The following PDE7B variants were observed in gnomAD, a reference collection of about 807,000 sequenced individuals.
The protein encoded by PDE7B is phosphodiesterase 7B.
Under a neutral mutation model 56.2 loss-of-function variants are expected in PDE7B, and 29 were observed. That is an observed-to-expected ratio of 0.52 (90% CI 0.38 to 0.70). The LOEUF (loss-of-function observed/expected upper bound fraction) is 0.70, where lower values mean the gene tolerates loss of function less well. Ranked by LOEUF, PDE7B falls within the 30% of genes least tolerant of loss-of-function variation. The pLI is 0.00. For synonymous variants in PDE7B, 197 were observed against 196.9 expected, an observed-to-expected ratio of 1.00 and a Z score of 0.00; for missense variants, 490 against 565.0, an observed-to-expected ratio of 0.87 and a Z score of 1.35.
rs1383650190 is a variant in PDE7B, at chr6:136,173,674, TG to T, written c.712-122del. 30 of 660,352 alleles carry T rather than the reference TG, an allele frequency of 4.5e-5. No individual in the cohort carries two copies. The African/African-American group carries it at 4.5e-4, about 10-fold the overall frequency. 40.9% of individuals were successfully genotyped at this position (660,352 alleles called of 1,614,324 possible). The stretch of plus-strand genomic sequence containing the variant: ...TCTTTTGGGTTTTTTTTTCCTGGTC[TG>T]CCTCTGGGTCATCAAGTACAAACTG... On this transcript the variant is annotated intron_variant, in intron 8 of 12. Transcript: ENST00000308191.
At chr6:135,935,201 T>A (rs1159381398) in intron 1 of PDE7B, among the ~76,000 whole-genome samples, 1 of 87,962 alleles carries the variant, frequency 1.1e-5, no homozygotes, top group East Asian at 4.1e-4. Context: ...TATATATATA[T>A]ATATATATAT....
chr6:136,171,851 T>C (rs1778888851), intron 8 of PDE7B, among the ~76,000 whole-genome samples: 1 of 143,922 alleles, frequency 6.9e-6, no homozygotes, highest in Admixed American at 7.3e-5. Context: ...TGTGTTCTCA[T>C]TGTTCAATTC....
intron 2 of PDE7B, among the ~76,000 whole-genome samples, chr6:136,040,374 A>G (rs1458106213): frequency 1.3e-5 from 2 of 152,198 alleles, no homozygotes; most frequent in Admixed American, 6.5e-5. Flanking sequence ...ATCATCATCC[A>G]TCTATGCAGC....
At chr6:136,124,097 G>T (rs191349993) in intron 3 of PDE7B, among the ~76,000 whole-genome samples, 29 of 152,116 alleles carry the variant, frequency 1.9e-4, no homozygotes, top group South Asian at 6.2e-4. Context: ...AGTAGAGAAG[G>T]TTAAGAAAAT....
chr6:135,875,729 G>A (rs926099668), intron 1 of PDE7B, among the ~76,000 whole-genome samples: 15 of 152,168 alleles, frequency 9.9e-5, no homozygotes, highest in African/African-American at 3.1e-4. Flanking sequence ...AGACTAAAAC[G>A]TATCCTTATT....
chr6:136,043,200 A>C (rs1776441431), intron 2 of PDE7B, among the ~76,000 whole-genome samples: 1 of 152,226 alleles, frequency 6.6e-6, no homozygotes, highest in Non-Finnish European at 1.5e-5. Context: ...GCTGGATAAT[A>C]ATCATTAATA....
intron 3 of PDE7B, among the ~76,000 whole-genome samples, chr6:136,141,964 CTCTGA>C (rs1327501758): frequency 6.6e-6 from 1 of 152,062 alleles, no homozygotes; most frequent in Non-Finnish European, 1.5e-5. Flanking sequence ...TTCAGTTCTG[CTCTGA>C]TCTTAGTTAT....
At position 135,972,029 on chromosome 6, in the gene PDE7B, G is replaced by A. The variant is rs144434716; in HGVS notation, c.82+24505G>A. Among the ~76,000 whole-genome samples, 814 of 152,112 alleles carry A rather than the reference G, an allele frequency of 5.4e-3. 8 individuals are homozygous for A. Among genetic ancestry groups the A allele is most frequent in the African/African-American group, 0.019 (784 of 41,494 alleles). On this transcript the variant is annotated intron_variant, in intron 2 of 12. Coordinates refer to ENST00000308191, the MANE Select transcript of PDE7B (RefSeq NM_018945.4). Reference sequence around the variant, plus strand: ...GCAGGCAGATCACCTGAGGTTGGGAGTTCAAGACCAGCCTTACCAACATGG... The same window carrying A: ...GCAGGCAGATCACCTGAGGTTGGGAATTCAAGACCAGCCTTACCAACATGG...
intron 8 of PDE7B, chr6:136,156,186 TG>T (rs1778601416): frequency 3.0e-6 from 1 of 335,432 alleles, no homozygotes; most frequent in African/African-American, 2.2e-5. Context: ...TGTGTGTGTG[TG>T]TGTGTGTGTG....
At chr6:135,887,246 G>A (rs988760462) in intron 1 of PDE7B, among the ~76,000 whole-genome samples, 3 of 152,022 alleles carry the variant, frequency 2.0e-5, no homozygotes, top group Non-Finnish European at 2.9e-5. Context: ...TTGAGTTCCT[G>A]TGGCTTCTGG....
At chr6:136,136,342 C>G (rs1446656262) in intron 3 of PDE7B, among the ~76,000 whole-genome samples, 5 of 152,050 alleles carry the variant, frequency 3.3e-5, no homozygotes, top group Admixed American at 6.6e-5. Context: ...TATTTCACAC[C>G]TACAACCTGC....
chr6:136,160,418 T>G (rs1230118417), intron 8 of PDE7B, among the ~76,000 whole-genome samples: 21 of 152,158 alleles, frequency 1.4e-4, no homozygotes. Flanking sequence ...AAGATGAGTC[T>G]GTAGGAGTAG....
At chr6:135,945,314 G>A (rs983837257) in intron 1 of PDE7B, among the ~76,000 whole-genome samples, 4 of 152,248 alleles carry the variant, frequency 2.6e-5, no homozygotes, top group East Asian at 1.9e-4. Flanking sequence ...AATATGACAC[G>A]AGGTGAGCAG....
chr6:135,884,146 T>C (rs1440722735), intron 1 of PDE7B, among the ~76,000 whole-genome samples: 1 of 152,184 alleles, frequency 6.6e-6, no homozygotes, highest in African/African-American at 2.4e-5. Flanking sequence ...GTACTGTCCA[T>C]GTGGGATAAA....
rs1355183175 is a variant in PDE7B, at chr6:136,037,785, AAG to A, written c.83-70943_83-70942del. ...GAAGTCCTTAAGAGCTAAGCCGACA[AAG>A]AGCTAAGAGTCAACAAACTTTGACA... On this transcript the variant is annotated intron_variant, in intron 2 of 12. Transcript: ENST00000308191. 5 of 985,346 alleles carry A rather than the reference AAG, an allele frequency of 5.1e-6. No individual in the cohort carries two copies. The African/African-American group carries it at 8.7e-5, about 17-fold the overall frequency. 61.0% of individuals were successfully genotyped at this position (985,346 alleles called of 1,614,324 possible).
At chr6:135,942,066 C>T (rs760324622) in intron 1 of PDE7B, among the ~76,000 whole-genome samples, 1 of 152,034 alleles carries the variant, frequency 6.6e-6, no homozygotes, top group Admixed American at 6.6e-5. Flanking sequence ...TTTAATAACT[C>T]CTATTGAATG....
chr6:135,944,848 C>T (rs1037022649), intron 1 of PDE7B, among the ~76,000 whole-genome samples: 2 of 152,140 alleles, frequency 1.3e-5, no homozygotes, highest in African/African-American at 4.8e-5. Context: ...ACCCCTGCCC[C>T]TAGAGGCCCT....
At chr6:136,082,927 C>CT (rs2128215285) in intron 2 of PDE7B, among the ~76,000 whole-genome samples, 1 of 152,306 alleles carries the variant, frequency 6.6e-6, no homozygotes, top group African/African-American at 2.4e-5. Context: ...ATGTCCACCT[C>CT]TTTTGACCAG....
At position 135,947,463 on chromosome 6, in the gene PDE7B, G is replaced by C; in HGVS notation, c.22-1G>C. The C allele has an allele frequency of 6.2e-7, 1 of 1,609,362 alleles. No individual in the cohort carries two copies. Among genetic ancestry groups the C allele is most frequent in the Non-Finnish European group, 8.5e-7 (1 of 1,175,876 alleles). On this transcript the variant is annotated splice_acceptor_variant, in intron 1 of 12. Coordinates refer to ENST00000308191, the MANE Select transcript of PDE7B (RefSeq NM_018945.4). LOFTEE classifies it high-confidence loss of function. ...TAACCTTGGCTATCTTTCTATTTCA[G>C]AGGTGTGGCGAAATCTTGTTTGAGA...
Sources: allele counts gnomAD v4.1 joint callset (sites outside exome capture counted in the v4.1 genomes callset), GRCh38; gene constraint gnomAD v4.1.1; transcripts MANE v1.5; gene names NCBI Gene and HGNC (gene_info 2026-07-23, HGNC 2026-07-21).